SCGB2B2: variants seen among roughly 807,000 people sequenced by gnomAD.
SCGB2B2 encodes secretoglobin family 2B member 2, also known as secretoglobin-like protein.
SCGB2B2 carries 11 observed loss-of-function variants against 7.6 expected under a neutral mutation model. That is an observed-to-expected ratio of 1.45 (90% CI 0.91 to 2.40). The LOEUF (loss-of-function observed/expected upper bound fraction) is 2.40, where lower values mean the gene tolerates loss of function less well. Among genes scored for constraint, SCGB2B2 ranks in the 30% most tolerant of loss-of-function variants. SCGB2B2 has a pLI of 0.00. For synonymous variants in SCGB2B2, 50 were observed against 48.6 expected (o/e 1.03, Z -0.12); for missense variants, 104 against 115.4 (o/e 0.90, Z 0.45).
At chr19:34,636,432 T>C (rs922911134) in intron 1 of SCGB2B2, among the ~76,000 whole-genome samples, 2 of 152,172 alleles carry the variant, frequency 1.3e-5, no homozygotes, top group Non-Finnish European at 2.9e-5. Flanking sequence ...TTCTCTGCAA[T>C]GGCTTTTAGC....
rs1182289225 is a variant in SCGB2B2, at chr19:34,595,552, C to G, written c.-989G>C. On this transcript the variant is annotated 5_prime_UTR_variant, in exon 2 of 4. Transcript: ENST00000601241. Reference sequence around the variant, plus strand: ...GTGTTTCAAAGAAGTGTCTTTCTCCCTGAGCACAGTGTTTACAGAGAAGAC... The same window carrying G: ...GTGTTTCAAAGAAGTGTCTTTCTCCGTGAGCACAGTGTTTACAGAGAAGAC... 6.6e-6 allele frequency: 1 copy of G among 152,510 alleles called. No individual in the cohort carries two copies. Among genetic ancestry groups the G allele is most frequent in the Non-Finnish European group, 1.5e-5 (1 of 68,054 alleles). 9.4% of individuals were successfully genotyped at this position (152,510 alleles called of 1,614,324 possible).
At chr19:34,601,260 T>C (rs2065616059) in intron 1 of SCGB2B2, among the ~76,000 whole-genome samples, 2 of 152,362 alleles carry the variant, frequency 1.3e-5, no homozygotes, top group Admixed American at 6.5e-5. Context: ...TCTGTCTCTA[T>C]GCCAATGTGG....
At chr19:34,647,795 A>C (rs1017276851) in intron 1 of SCGB2B2, among the ~76,000 whole-genome samples, 5 of 152,196 alleles carry the variant, frequency 3.3e-5, no homozygotes, top group Non-Finnish European at 7.4e-5. Flanking sequence ...TGAGAACCAC[A>C]AGGACCACCC....
Position 34,651,955 on chromosome 19 carries a change from A to G in SCGB2B2, c.-2032+23675T>C, listed in dbSNP as rs569748092. 3.3e-5 allele frequency among the ~76,000 whole-genome samples: 5 copies of G among 151,182 alleles called. 1 individual carries two copies. Among genetic ancestry groups the G allele is most frequent in the African/African-American group, 9.9e-5 (4 of 40,500 alleles). On this transcript the variant is annotated intron_variant, in intron 1 of 3. Transcript: ENST00000601241. The stretch of plus-strand genomic sequence containing the variant: ...CACATAGACCAGTGAAACTAAATAG[A>G]TAACTCAGAAACACATCCAGCTGTT...
chr19:34,651,501 A>G (rs1351316662), intron 1 of SCGB2B2, among the ~76,000 whole-genome samples: 1 of 151,354 alleles, frequency 6.6e-6, no homozygotes, highest in East Asian at 1.9e-4. Flanking sequence ...ACAAATTAGA[A>G]AAGAAATCGA....
intron 1 of SCGB2B2, among the ~76,000 whole-genome samples, chr19:34,611,429 G>GTT (rs34858731): frequency 2.2e-4 from 33 of 151,414 alleles, no homozygotes; most frequent in Non-Finnish European, 4.4e-4. Context: ...AAATCTTTCT[G>GTT]TTTTTTTGAT....
chr19:34,673,395 TGGAAAAG>T lies in SCGB2B2; in HGVS notation c.-2032+2228_-2032+2234del, dbSNP rs1329842702. On this transcript the variant is annotated intron_variant, in intron 1 of 3. Transcript: ENST00000601241. Reference sequence around the variant, plus strand: ...CTAACAATGCAAGTCAGGGTGTCACTGGAAAAGGGGTCTCGATCCAGACCCCAAGAGG... The same window carrying T: ...CTAACAATGCAAGTCAGGGTGTCACTGGGTCTCGATCCAGACCCCAAGAGG... 4.6e-5 allele frequency among the ~76,000 whole-genome samples: 7 copies of T among 152,176 alleles called. No homozygotes were observed. The East Asian group carries it at 1.2e-3, about 25-fold the overall frequency.
At chr19:34,657,741 C>T (rs188490968) in intron 1 of SCGB2B2, among the ~76,000 whole-genome samples, 19 of 151,374 alleles carry the variant, frequency 1.3e-4, no homozygotes, top group Admixed American at 1.1e-3. Flanking sequence ...CTGCACCAAG[C>T]GGACCTAATA....
intron 1 of SCGB2B2, among the ~76,000 whole-genome samples, chr19:34,602,402 G>A (rs2065651344): frequency 6.6e-6 from 1 of 152,108 alleles, no homozygotes; most frequent in Admixed American, 6.6e-5. Context: ...TTGGTGTCAG[G>A]ATTATACCAG....
intron 1 of SCGB2B2, among the ~76,000 whole-genome samples, chr19:34,606,737 CTATTT>C (rs1476903693): frequency 2.6e-5 from 4 of 151,386 alleles, no homozygotes; most frequent in Non-Finnish European, 5.9e-5. Flanking sequence ...TATAATTGTC[CTATTT>C]TATAATTAGT....
chr19:34,608,660 C>CATATATATATATATATATATATAT (rs71165673), intron 1 of SCGB2B2: 1,041 of 86,574 alleles, frequency 0.012, 54 homozygotes, highest in East Asian at 0.021. Context: ...TGTCTCATTG[C>CATATATATATATATATATATATAT]ATATATATAT....
chr19:34,663,541 C>T (rs560015322), intron 1 of SCGB2B2, among the ~76,000 whole-genome samples: 2 of 152,258 alleles, frequency 1.3e-5, no homozygotes, highest in African/African-American at 4.8e-5. Context: ...CAAAACCATC[C>T]ACTAAAATAA....
chr19:34,635,529 C>A (rs1600058082), intron 1 of SCGB2B2: 1 of 279,626 alleles, frequency 3.6e-6, no homozygotes, highest in East Asian at 9.9e-5. Flanking sequence ...AGGCTTTAAA[C>A]CCATGTGAAC....
intron 1 of SCGB2B2, among the ~76,000 whole-genome samples, chr19:34,659,759 G>T (rs1336318110): frequency 6.6e-6 from 1 of 152,088 alleles, no homozygotes; most frequent in Non-Finnish European, 1.5e-5. Flanking sequence ...AACTACCAAT[G>T]ACTTTCTTCA....
rs1167044902 is a variant in SCGB2B2 at position 34,645,525 on chromosome 19, GACACACACAGACACAGAC to G, written c.-2032+30087_-2032+30104del. On this transcript the variant is annotated intron_variant, in intron 1 of 3. Transcript: ENST00000601241. ...ATACACAGACACACAGACACACACA[GACACACACAGACACAGAC>G]ACACACACACACACACACACACACA... The G allele has an allele frequency of 6.5e-3, 912 of 140,008 alleles. 4 individuals are homozygous for G. Among genetic ancestry groups the G allele is most frequent in the South Asian group, 0.016 (100 of 6,270 alleles). The allele number at this position is 140,008 out of a possible 1,614,324, so 8.7% of individuals were successfully genotyped here.
chr19:34,603,506 A>G (rs1403644336), intron 1 of SCGB2B2, among the ~76,000 whole-genome samples: 1 of 152,134 alleles, frequency 6.6e-6, no homozygotes, highest in African/African-American at 2.4e-5. Flanking sequence ...GCAATCCCCC[A>G]AGCAAAGCTT....
chr19:34,667,814 GC>G (rs74322905), intron 1 of SCGB2B2, among the ~76,000 whole-genome samples: 21,557 of 149,044 alleles, frequency 0.14, 1,581 homozygotes, highest in East Asian at 0.27. Context: ...CCACCCACGT[GC>G]CCCTCCCCCC....
chr19:34,618,004 G>A (rs891151445), intron 1 of SCGB2B2, among the ~76,000 whole-genome samples: 5 of 152,166 alleles, frequency 3.3e-5, no homozygotes, highest in Admixed American at 6.5e-5. Flanking sequence ...TGCACGGTGC[G>A]TGCACCCACT....
chr19:34,662,674 T>A (rs1271253221), intron 1 of SCGB2B2, among the ~76,000 whole-genome samples: 1 of 151,990 alleles, frequency 6.6e-6, no homozygotes, highest in African/African-American at 2.4e-5. Flanking sequence ...AGGGCTCTTA[T>A]CAAGAAAATA....
Sources: gnomAD v4.1 joint callset for allele counts (sites outside exome capture counted in the v4.1 genomes callset) on GRCh38, gnomAD v4.1.1 for gene constraint, MANE v1.5 for transcripts, NCBI Gene and HGNC (gene_info 2026-07-23, HGNC 2026-07-21) for gene names.